Variants in TANGO6 observed in about 807,000 individuals in gnomAD.
The protein encoded by TANGO6 is transport and Golgi organization protein 6 homolog.
TANGO6 carries 90 observed loss-of-function variants against 114.2 expected under a neutral mutation model. The ratio of observed to expected loss-of-function variants is 0.79; its 90% CI spans 0.66 to 0.94. The LOEUF (loss-of-function observed/expected upper bound fraction) is 0.94. Among genes scored for constraint, TANGO6 ranks in the 40% least tolerant of loss-of-function variants. The probability of loss-of-function intolerance (pLI) is 0.00; values close to 1 mark genes in which losing one functional copy is unlikely to be tolerated. For synonymous variants in TANGO6, 477 were observed against 509.8 expected (o/e 0.94, Z 0.87); for missense variants, 1,274 against 1,315.3 (o/e 0.97, Z 0.49).
At chr16:69,041,605 C>T (rs184614055) in intron 17 of TANGO6, among the ~76,000 whole-genome samples, 48 of 152,286 alleles carry the variant, frequency 3.2e-4, no homozygotes, top group Non-Finnish European at 6.0e-4. Context: ...TTTCTCTTTA[C>T]GTAGTGACTT....
At chr16:68,911,598 G>A (rs570643089) in intron 11 of TANGO6, among the ~76,000 whole-genome samples, 1 of 152,056 alleles carries the variant, frequency 6.6e-6, no homozygotes, top group Non-Finnish European at 1.5e-5. Flanking sequence ...TCTATTTTTA[G>A]TAGAGACGGG....
chr16:68,986,880 G>T, intron 15 of TANGO6, among the ~76,000 whole-genome samples: 1 of 152,124 alleles, frequency 6.6e-6, no homozygotes, highest in Non-Finnish European at 1.5e-5. Context: ...ACTCCAGCCT[G>T]GGGATAGAGT....
chr16:68,983,395 G>A (rs1173509631), intron 15 of TANGO6, among the ~76,000 whole-genome samples: 2 of 151,802 alleles, frequency 1.3e-5, no homozygotes, highest in African/African-American at 4.8e-5. Flanking sequence ...CTTAATCCTG[G>A]GGATGGGACA....
chr16:69,046,962 C>T (rs1959869163), intron 17 of TANGO6, among the ~76,000 whole-genome samples: 1 of 151,722 alleles, frequency 6.6e-6, no homozygotes, highest in Non-Finnish European at 1.5e-5. Context: ...GGGTGGATCA[C>T]CTGAGGTCGG....
intron 14 of TANGO6, among the ~76,000 whole-genome samples, chr16:68,952,095 T>C (rs1963477105): frequency 6.6e-6 from 1 of 152,218 alleles, no homozygotes; most frequent in African/African-American, 2.4e-5. Flanking sequence ...CAACATGAGA[T>C]ACCTCCAGGT....
intron 16 of TANGO6, among the ~76,000 whole-genome samples, chr16:69,038,339 A>G (rs893289324): frequency 9.9e-5 from 15 of 152,102 alleles, no homozygotes; most frequent in African/African-American, 3.6e-4. Flanking sequence ...CTGAGGCACC[A>G]GAATCGCTTG....
At chr16:68,973,260 C>G (rs1963727080) in intron 14 of TANGO6, 1 of 405,086 alleles carries the variant, frequency 2.5e-6, no homozygotes, top group African/African-American at 2.1e-5. Flanking sequence ...TCTACTTATT[C>G]CTTCTTTACT....
chr16:68,907,519 C>T lies in TANGO6; in HGVS notation c.1744C>T (p.Leu582=), dbSNP rs972812644. The change falls in exon 10 of 18, where the codon CTG becomes TTG. Residue 582 remains leucine, a synonymous_variant. Coordinates refer to ENST00000261778, the MANE Select transcript of TANGO6 (RefSeq NM_024562.2). ...CCGGGTGGAGCATCTCGGGGACTTGCTGTCCCACTGCCAGGAATGCGGTTT... is the reference window on the plus strand; with the variant it reads ...CCGGGTGGAGCATCTCGGGGACTTGTTGTCCCACTGCCAGGAATGCGGTTT... ...QGRVEHLGDL[L]SHCQECGLAG... is the part of the protein sequence containing the mutation. The T allele has an allele frequency of 1.2e-6, 2 of 1,613,348 alleles. No individual in the cohort carries two copies. The highest frequency in any genetic ancestry group is 1.7e-5 in the Admixed American group (1 of 59,902).
At chr16:68,934,217 T>A (rs1304072058) in intron 14 of TANGO6, among the ~76,000 whole-genome samples, 1 of 151,942 alleles carries the variant, frequency 6.6e-6, no homozygotes, top group African/African-American at 2.4e-5. Flanking sequence ...GCTAATTTTT[T>A]AAAAAACATT....
intron 14 of TANGO6, among the ~76,000 whole-genome samples, chr16:68,962,457 T>C (rs1963602357): frequency 6.6e-6 from 1 of 152,214 alleles, no homozygotes; most frequent in South Asian, 2.1e-4. Flanking sequence ...ATATACATTT[T>C]CATATCTTCT....
At chr16:68,901,197 T>A (rs538559109) in intron 8 of TANGO6, among the ~76,000 whole-genome samples, 74 of 152,228 alleles carry the variant, frequency 4.9e-4, no homozygotes, top group Non-Finnish European at 9.4e-4. Context: ...TAATAGTACC[T>A]TCTTCACAGA....
intron 16 of TANGO6, 72 bp downstream of exon 16, chr16:69,023,051 T>A: frequency 7.0e-7 from 1 of 1,435,062 alleles, no homozygotes; most frequent in Non-Finnish European, 9.2e-7. Flanking sequence ...AGATTGGGAG[T>A]CAGGAGACCT....
chr16:68,868,216 TG>T (rs1343257715), intron 4 of TANGO6, among the ~76,000 whole-genome samples: 1 of 151,952 alleles, frequency 6.6e-6, no homozygotes, highest in Non-Finnish European at 1.5e-5. Flanking sequence ...ATGCAAACTT[TG>T]GGATGAAGTT....
chr16:68,894,518 G>A (rs896307776), intron 7 of TANGO6, among the ~76,000 whole-genome samples: 13 of 151,948 alleles, frequency 8.6e-5, no homozygotes, highest in African/African-American at 2.2e-4. Flanking sequence ...GGTGCCACAC[G>A]GACACTTCAG....
intron 17 of TANGO6, among the ~76,000 whole-genome samples, chr16:69,074,116 A>G (rs1960337273): frequency 6.6e-6 from 1 of 152,170 alleles, no homozygotes; most frequent in South Asian, 2.1e-4. Context: ...CACAGGACTC[A>G]GGTGCTTCAC....
At chr16:68,884,584 G>C (rs1962513607) in intron 7 of TANGO6, among the ~76,000 whole-genome samples, 1 of 152,158 alleles carries the variant, frequency 6.6e-6, no homozygotes, top group Non-Finnish European at 1.5e-5. Flanking sequence ...AAACTGCCAA[G>C]TGGTTGGGTT....
intron 12 of TANGO6, among the ~76,000 whole-genome samples, chr16:68,924,887 A>AC (rs1963146505): frequency 3.3e-5 from 5 of 151,696 alleles, no homozygotes; most frequent in Admixed American, 3.3e-4. Flanking sequence ...ATGAGTAAAT[A>AC]CCCCCATACA....
At chr16:68,914,958 T>TACACACACAC (rs3061679) in intron 11 of TANGO6, among the ~76,000 whole-genome samples, 165 of 135,284 alleles carry the variant, frequency 1.2e-3, no homozygotes, top group African/African-American at 4.0e-3. Flanking sequence ...TTTTGATATC[T>TACACACACAC]ACACACACAC....
At chr16:69,051,077 T>G (rs180912119) in intron 17 of TANGO6, among the ~76,000 whole-genome samples, 1 of 151,864 alleles carries the variant, frequency 6.6e-6, no homozygotes, top group Admixed American at 6.6e-5. Context: ...TTAAATTGAT[T>G]GCATAATTTA....
Sources: allele counts gnomAD v4.1 joint callset (sites outside exome capture counted in the v4.1 genomes callset), GRCh38; gene constraint gnomAD v4.1.1; transcripts MANE v1.5; gene names NCBI Gene and HGNC (gene_info 2026-07-23, HGNC 2026-07-21).